The following DNAJC14 variants were observed in gnomAD, a reference collection of about 807,000 sequenced individuals.
The protein encoded by DNAJC14 is DnaJ heat shock protein family (Hsp40) member C14.
A neutral mutation model predicts 68.8 loss-of-function variants in DNAJC14; 12 were observed. That is an observed-to-expected ratio of 0.17 (90% CI 0.11 to 0.28). The LOEUF (loss-of-function observed/expected upper bound fraction) is 0.28. DNAJC14 is among the 10% of genes least tolerant of loss of function. The probability of loss-of-function intolerance (pLI) is 1.00; values close to 1 mark genes in which losing one functional copy is unlikely to be tolerated. For missense variants in DNAJC14, 764 were observed against 875.6 expected (o/e 0.87, Z 1.61); for synonymous variants, 350 against 321.5 (o/e 1.09, Z -0.95).
In DNAJC14 at chr12:55,828,226, C is replaced by T. The variant is rs199847156; in HGVS notation, c.433G>A (p.Gly145Arg). Residue 145 changes from glycine to arginine, a missense_variant, in exon 2 of 7, where the codon GGA (glycine) becomes AGA (arginine). Gly to Arg is a moderately radical substitution (Grantham distance 125). Transcript: ENST00000678005. ...AAGTTGCTAGAAGAACCATTTCCTCCCTCAGAGTAAGGCCCTTCTGGAATT... is the reference window on the plus strand; with the variant it reads ...AAGTTGCTAGAAGAACCATTTCCTCTCTCAGAGTAAGGCCCTTCTGGAATT... ...PGIPEGPYSE[G>R]GNGSSSNFCH... The T allele has an allele frequency of 6.2e-6, 10 of 1,609,598 alleles. No homozygotes were observed. The East Asian group carries it at 2.0e-4, about 32-fold the overall frequency.
intron 4 of DNAJC14, 55 bp from the exon 5 acceptor site, chr12:55,822,787 C>A: frequency 6.3e-7 from 1 of 1,595,054 alleles, no homozygotes; most frequent in Admixed American, 1.7e-5. Flanking sequence ...ACCTAGGGCA[C>A]TGCTAGTAGT....
rs754282306 is a variant in DNAJC14, at chr12:55,823,438, A to G, written c.1478T>C (p.Ile493Thr). The G allele has an allele frequency of 6.2e-7, 1 of 1,614,180 alleles. No homozygotes were observed. The highest frequency in any genetic ancestry group is 8.5e-7 in the Non-Finnish European group (1 of 1,180,036). ...AFKVLRAAWD[I>T]VSNAEKRKEY... is the part of the protein sequence containing the mutation. ...CTTTCGCTTTTCAGCATTGCTGACA[A>G]TGTCCCAAGCTGCTCGCAAAACCTT... Residue 493 changes from isoleucine to threonine, a missense_variant, in exon 3 of 7, where the codon ATT becomes ACT. By Grantham distance (89) the Ile-to-Thr change is moderately conservative. Transcript: ENST00000678005.
upstream of DNAJC14, chr12:55,829,687 CTG>C (rs1880920809): frequency 6.8e-6 from 6 of 883,192 alleles, no homozygotes; most frequent in South Asian, 2.6e-4. Flanking sequence ...TAGCGGTTGG[CTG>C]AGAGGCAAGC....
At position 55,828,041 on chromosome 12, in the gene DNAJC14, A is replaced by G; in HGVS notation, c.618T>C (p.Asp206=). The G allele has an allele frequency of 1.2e-6, 2 of 1,613,094 alleles. No homozygotes were observed. Among genetic ancestry groups the G allele is most frequent in the Non-Finnish European group, 1.7e-6 (2 of 1,179,554 alleles). ...RQRHRFPTKE[D]TREGGRRDPR... Reference sequence around the variant, plus strand: ...GATCCCTACGTCCACCCTCCCGAGTATCCTCCTTCGTTGGAAAGCGGTGCC... The same window carrying G: ...GATCCCTACGTCCACCCTCCCGAGTGTCCTCCTTCGTTGGAAAGCGGTGCC... The change falls in exon 2 of 7, where the codon GAT becomes GAC. Residue 206 remains aspartate (D), a synonymous_variant. Transcript: ENST00000678005.
chr12:55,823,911 C>A (rs901702072), intron 2 of DNAJC14, among the ~76,000 whole-genome samples: 8 of 149,684 alleles, frequency 5.3e-5, no homozygotes, highest in African/African-American at 1.7e-4. Flanking sequence ...ATCTAGTTGG[C>A]CAGTCTGGTC....
At chr12:55,826,693 G>C (rs1447230214) in intron 2 of DNAJC14, among the ~76,000 whole-genome samples, 1 of 151,770 alleles carries the variant, frequency 6.6e-6, no homozygotes, top group African/African-American at 2.4e-5. Context: ...CCAGCTACTC[G>C]GGAGGCTGAG....
rs778092555 is a variant in DNAJC14 at position 55,827,896 on chromosome 12, G to C, written c.763C>G (p.Leu255Val). 1.2e-6 allele frequency: 2 copies of C among 1,608,332 alleles called. No individual in the cohort carries two copies. The highest frequency in any genetic ancestry group is 3.4e-5 in the Admixed American group (2 of 59,696). Residue 255 changes from leucine (L) to valine (V), a missense_variant, in exon 2 of 7, where the codon CTG becomes GTG. Around this residue, in one of 4 missense-constraint regions of DNAJC14, gnomAD observed 514 missense variants for 521.7 expected, o/e 0.99. Coordinates refer to ENST00000678005, the MANE Select transcript of DNAJC14 (RefSeq NM_032364.6). ...CQLGQAGFWW[L>V]IELLVLVGEY... ...CCCACCAATACCAGCAGTTCAATCAGCCACCAAAAGCCTGCCTGTCCAAGT... is the reference window on the plus strand; with the variant it reads ...CCCACCAATACCAGCAGTTCAATCACCCACCAAAAGCCTGCCTGTCCAAGT...
At chr12:55,824,641 T>C (rs75446180) in intron 2 of DNAJC14, among the ~76,000 whole-genome samples, 2,484 of 152,260 alleles carry the variant, frequency 0.016, 37 homozygotes, top group Non-Finnish European at 0.027. Flanking sequence ...AGAGAGATCT[T>C]TGGGGTATAG....
Position 55,823,129 on chromosome 12 carries a change from T to C in DNAJC14, c.1575A>G (p.Gln525=). 1 of 1,614,224 alleles carries C rather than the reference T, an allele frequency of 6.2e-7. No homozygotes were observed. Among genetic ancestry groups the C allele is most frequent in the East Asian group, 2.2e-5 (1 of 44,884 alleles). Residue 525 remains glutamine, a synonymous_variant, in exon 4 of 7, where the codon CAA becomes CAG. Transcript: ENST00000678005. The part of the protein sequence containing the change: ...RSVNEFLSKL[Q]DDLKEAMNTM... ...TATTCATTGCCTCCTTGAGGTCATC[T>C]TGCAGCTTGGACAGAAACTCATTTA...
chr12:55,829,437 T>C (rs1592596205), intron 1 of DNAJC14, 52 bp downstream of exon 1: 1 of 966,726 alleles, frequency 1.0e-6, no homozygotes, highest in Admixed American at 7.3e-5. Context: ...AGAGCGAGAC[T>C]CCATCTCAAA....
intron 2 of DNAJC14, among the ~76,000 whole-genome samples, chr12:55,825,761 G>A (rs1880778475): frequency 6.6e-6 from 1 of 151,660 alleles, no homozygotes; most frequent in Admixed American, 6.6e-5. Flanking sequence ...AGCCAGGATG[G>A]TCTCGATCTC....
At chr12:55,828,836 A>T (rs1880881150) in intron 1 of DNAJC14, 122 bp from the exon 2 acceptor site, 5 of 1,261,784 alleles carry the variant, frequency 4.0e-6, no homozygotes, top group Admixed American at 3.1e-5. Context: ...CTTTTGGGGC[A>T]TTCGCTATTC....
At chr12:55,829,702 A>G (rs573407739), upstream of DNAJC14, 2 of 754,792 alleles carry the variant, frequency 2.6e-6, no homozygotes, top group African/African-American at 3.8e-5. Flanking sequence ...AGGCAAGCCA[A>G]TCCAGCTAGG....
rs1026656833 is a variant in DNAJC14, at chr12:55,822,454, A to G, written c.1817T>C (p.Val606Ala). 4 of 1,614,060 alleles carry G rather than the reference A, an allele frequency of 2.5e-6. No homozygotes were observed. The highest frequency in any genetic ancestry group is 3.4e-6 in the Non-Finnish European group (4 of 1,180,018). Residue 606 changes from valine to alanine, a missense_variant, in exon 6 of 7, where the codon GTA becomes GCA. Transcript: ENST00000678005. ...DITEWAGCQR[V>A]GISPDTHRVP... ...TCTGTGGGTATCTGGGGAGATACCT[A>G]CACGCTGGCATCCAGCCCACTCTAT...
chr12:55,829,088 A>C, intron 1 of DNAJC14: 1 of 991,088 alleles, frequency 1.0e-6, no homozygotes, highest in Non-Finnish European at 1.2e-6. Context: ...CTGGAGGAAA[A>C]TCTGGGGGCG....
At position 55,828,359 on chromosome 12, in the gene DNAJC14, T is replaced by C. The variant is rs140358652; in HGVS notation, c.300A>G (p.Glu100=). 338 of 1,614,146 alleles carry C rather than the reference T, an allele frequency of 2.1e-4. No individual in the cohort carries two copies. Among genetic ancestry groups the C allele is most frequent in the Non-Finnish European group, 2.7e-4 (316 of 1,180,016 alleles). The part of the protein sequence containing the change: ...PDQSETSSEE[E]SGVDQELSKE... ...TTGAGAGTTCCTGGTCCACTCCTGA[T>C]TCTTCTTCTGAAGACGTCTCACTCT... Residue 100 remains glutamate (E), a synonymous_variant, in exon 2 of 7, where the codon GAA becomes GAG. Transcript: ENST00000678005.
In DNAJC14 at chr12:55,822,613, G is replaced by A; in HGVS notation, c.1754C>T (p.Thr585Ile). 1 of 1,614,170 alleles carries A rather than the reference G, an allele frequency of 6.2e-7. No individual in the cohort carries two copies. Among genetic ancestry groups the A allele is most frequent in the Non-Finnish European group, 8.5e-7 (1 of 1,180,038 alleles). The change falls in exon 5 of 7, where the codon ACC (threonine) becomes ATC (isoleucine). Residue 585 changes from threonine to isoleucine, a missense_variant. By Grantham distance (89) the Thr-to-Ile change is moderately conservative. Coordinates refer to ENST00000678005, the MANE Select transcript of DNAJC14 (RefSeq NM_032364.6). ...AESSMLGLKI[T>I]YFALMDGKVY... Reference sequence around the variant, plus strand: ...CTTTCCATCCATCAGTGCAAAGTAGGTGATCTTGAGGCCCAACATGCTTGA... The same window carrying A: ...CTTTCCATCCATCAGTGCAAAGTAGATGATCTTGAGGCCCAACATGCTTGA...
rs1592592259 is a variant in DNAJC14 at position 55,822,392 on chromosome 12, C to A, written c.1879G>T (p.Gly627Cys). Reference sequence around the variant, plus strand: ...ACCTACCTCTGCCGCCCTCTGGTGCCTGGAATCCGAGAACCAAATGAGATG... The same window carrying A: ...ACCTACCTCTGCCGCCCTCTGGTGCATGGAATCCGAGAACCAAATGAGATG... ...YHISFGSRIPGTRGRQRATPD... is the reference protein window; with the variant it reads ...YHISFGSRIPCTRGRQRATPD... Residue 627 changes from glycine to cysteine, a missense_variant, in exon 6 of 7, where the codon GGC (glycine) becomes TGC (cysteine). Coordinates refer to ENST00000678005, the MANE Select transcript of DNAJC14 (RefSeq NM_032364.6). 2 of 1,612,916 alleles carry A rather than the reference C, an allele frequency of 1.2e-6. No homozygotes were observed. The highest frequency in any genetic ancestry group is 4.5e-5 in the East Asian group (2 of 44,886).
At chr12:55,830,672 T>A (rs1289984661), upstream of DNAJC14, 1 of 152,596 alleles carries the variant, frequency 6.6e-6, no homozygotes, top group Non-Finnish European at 1.5e-5. Context: ...CCAAAACTCT[T>A]GGGGTGACCC....
Sources: gnomAD v4.1 joint callset for allele counts (sites outside exome capture counted in the v4.1 genomes callset) on GRCh38, gnomAD v4.1.1 for gene constraint, gnomAD v4.1.1 regional missense constraint, MANE v1.5 for transcripts, NCBI Gene and HGNC (gene_info 2026-07-23, HGNC 2026-07-21) for gene names.